Variants in UGT2B4 observed in about 807,000 individuals in gnomAD.
The protein encoded by UGT2B4 is UDP-glucuronosyltransferase 2B4.
In UGT2B4, 49 loss-of-function variants were observed where a neutral mutation model predicts 49.8. That is an observed-to-expected ratio of 0.98 (90% CI 0.78 to 1.25). The LOEUF is 1.25. UGT2B4 is among the 50% of genes most tolerant of loss of function. UGT2B4 has a pLI of 0.00. For synonymous variants in UGT2B4, 246 were observed against 217.7 expected, an observed-to-expected ratio of 1.13 and a Z score of -1.14; for missense variants, 729 against 627.7, an observed-to-expected ratio of 1.16 and a Z score of -1.73.
At chr4:69,502,087 CTCTCTCTTTCTTTCTT>C (rs1409522757) in intron 1 of UGT2B4, among the ~76,000 whole-genome samples, 1,538 of 38,254 alleles carry the variant, frequency 0.04, 45 homozygotes, top group Middle Eastern at 0.069. Context: ...TTCTTTCTTT[CTCTCTCTTTCTTTCTT>C]TCTTTCTTTC....
chr4:69,522,511 T>C (rs1728871619), intron 1 of UGT2B4, among the ~76,000 whole-genome samples: 1 of 152,208 alleles, frequency 6.6e-6, no homozygotes, highest in Non-Finnish European at 1.5e-5. Context: ...GTCTATTAAG[T>C]GTGCAAATAA....
In UGT2B4 at chr4:69,503,368, C is replaced by T. The variant is rs111376768; in HGVS notation, c.-105-7402G>A. Among the ~76,000 whole-genome samples, 10 of 152,302 alleles carry T rather than the reference C, an allele frequency of 6.6e-5. 1 individual carries two copies. The highest frequency in any genetic ancestry group is 2.4e-4 in the African/African-American group (10 of 41,574). On this transcript the variant is annotated intron_variant, in intron 1 of 1. Transcript: ENST00000510114. ...CCCCTATAGCCATGCACCCAGTCTA[C>T]ATGTTCTCTCCCAAGACTGCAGCTT...
At chr4:69,503,704 C>A (rs2109822788) in intron 1 of UGT2B4, among the ~76,000 whole-genome samples, 1 of 152,318 alleles carries the variant, frequency 6.6e-6, no homozygotes, top group East Asian at 1.9e-4. Context: ...GCAACCCACC[C>A]TAATCCAACA....
At chr4:69,525,617 T>C in intron 1 of UGT2B4, 1 of 981,630 alleles carries the variant, frequency 1.0e-6, no homozygotes, top group Non-Finnish European at 1.3e-6. Context: ...CAATAGATTA[T>C]CTACTCAGGT....
At position 69,483,559 on chromosome 4, in the gene UGT2B4, CT is replaced by C. The variant is rs1727676979; in HGVS notation, c.1310+1648del. ...TATTTTATATTTCTTTTCTATTTGT[CT>C]AACCTGTTTTATGTTTCTTTTCCAA... On this transcript the variant is annotated intron_variant, in intron 5 of 5. Transcript: ENST00000305107. 2.0e-5 allele frequency among the ~76,000 whole-genome samples: 3 copies of C among 152,026 alleles called. 1 individual carries two copies. Among genetic ancestry groups the C allele is most frequent in the Admixed American group, 2.0e-4 (3 of 15,256 alleles).
At chr4:69,493,966 A>T in intron 1 of UGT2B4, 125 bp from the exon 2 acceptor site, 1 of 1,058,348 alleles carries the variant, frequency 9.4e-7, no homozygotes. Flanking sequence ...GAAAAAAAAT[A>T]CATATATTCG....
intron 1 of UGT2B4, among the ~76,000 whole-genome samples, chr4:69,516,931 G>A (rs1267796633): frequency 6.6e-6 from 1 of 150,786 alleles, no homozygotes; most frequent in East Asian, 2.0e-4. Context: ...GTCTTCTTTA[G>A]AGAAACATCT....
chr4:69,483,044 A>G (rs1727649432), intron 5 of UGT2B4, among the ~76,000 whole-genome samples: 2 of 152,218 alleles, frequency 1.3e-5, no homozygotes, highest in Non-Finnish European at 2.9e-5. Flanking sequence ...ATATAGCAAT[A>G]GGCTTACAAA....
chr4:69,494,472 T>A (rs1728084163), intron 1 of UGT2B4, among the ~76,000 whole-genome samples: 1 of 152,182 alleles, frequency 6.6e-6, no homozygotes, highest in Non-Finnish European at 1.5e-5. Flanking sequence ...TGGCTCATAT[T>A]TTTAAAGAAA....
intron 1 of UGT2B4, among the ~76,000 whole-genome samples, chr4:69,518,834 C>A (rs1217151615): frequency 1.3e-5 from 2 of 152,112 alleles, no homozygotes; most frequent in Non-Finnish European, 2.9e-5. Flanking sequence ...ATTTCAAGAC[C>A]TATAAGAACC....
At chr4:69,521,748 G>C (rs754421040) in intron 1 of UGT2B4, among the ~76,000 whole-genome samples, 1 of 152,118 alleles carries the variant, frequency 6.6e-6, no homozygotes, top group Non-Finnish European at 1.5e-5. Context: ...GGTTCTGGCT[G>C]GTGAAGCGAT....
Position 69,495,527 on chromosome 4 carries a change from A to G in UGT2B4, c.335T>C (p.Val112Ala), listed in dbSNP as rs763398816. 3 of 1,612,934 alleles carry G rather than the reference A, an allele frequency of 1.9e-6. No individual in the cohort carries two copies. Among genetic ancestry groups the G allele is most frequent in the South Asian group, 1.1e-5 (1 of 91,002 alleles). Residue 112 changes from valine (V) to alanine (A), a missense_variant, in exon 1 of 6, where the codon GTA (valine) becomes GCA (alanine). Coordinates refer to ENST00000305107, the MANE Select transcript of UGT2B4 (RefSeq NM_021139.3). ...KDTFWSYFSQVQEIMWTFNDI... is the reference protein window; with the variant it reads ...KDTFWSYFSQAQEIMWTFNDI... ...ATTAAATGTCCACATGATTTCTTGT[A>G]CTTGTGAAAAATATGACCAAAATGT...
chr4:69,520,737 G>A (rs545366778), intron 1 of UGT2B4, among the ~76,000 whole-genome samples: 1 of 152,218 alleles, frequency 6.6e-6, no homozygotes, highest in East Asian at 1.9e-4. Context: ...GCTAAATGGG[G>A]ACTGAGGATG....
At chr4:69,498,998 T>G (rs1274800884), upstream of UGT2B4, among the ~76,000 whole-genome samples, 1 of 152,144 alleles carries the variant, frequency 6.6e-6, no homozygotes, top group Non-Finnish European at 1.5e-5. Flanking sequence ...ATGTGGGAAT[T>G]TAGTCCTTTA....
chr4:69,505,134 T>C (rs1438608686), intron 1 of UGT2B4, among the ~76,000 whole-genome samples: 1 of 152,124 alleles, frequency 6.6e-6, no homozygotes, highest in Non-Finnish European at 1.5e-5. Flanking sequence ...GAAGTACACA[T>C]GCTAGTGACA....
rs367718795 is a variant in UGT2B4 at position 69,480,439 on chromosome 4, A to G, written c.*195T>C. 1.4e-6 allele frequency: 1 copy of G among 729,872 alleles called. No homozygotes were observed. Among genetic ancestry groups the G allele is most frequent in the South Asian group, 2.3e-5 (1 of 43,764 alleles). 45.2% of individuals were successfully genotyped at this position (729,872 alleles called of 1,614,324 possible). ...GCTTTATATCATTTTTGTTTTCCCT[A>G]ATGTTTTCCTCCTTGACATGAAATA... On this transcript the variant is annotated 3_prime_UTR_variant, in exon 6 of 6. Transcript: ENST00000305107.
intron 1 of UGT2B4, among the ~76,000 whole-genome samples, chr4:69,520,789 T>C (rs1728831334): frequency 6.6e-6 from 1 of 152,084 alleles, no homozygotes; most frequent in Admixed American, 6.5e-5. Flanking sequence ...ATTAACAGCC[T>C]GAGTGCCATA....
intron 1 of UGT2B4, 130 bp from the exon 2 acceptor site, chr4:69,493,971 T>A: frequency 1.0e-6 from 1 of 987,940 alleles, no homozygotes; most frequent in Non-Finnish European, 1.4e-6. Flanking sequence ...AAAATACATA[T>A]ATTCGTATAT....
chr4:69,493,634 A>C (rs1728057955), intron 2 of UGT2B4, 59 bp downstream of exon 2: 2 of 1,521,086 alleles, frequency 1.3e-6, no homozygotes, highest in Non-Finnish European at 1.7e-6. Context: ...ACTTTGAATG[A>C]ATATAGAACC....
Sources: gnomAD v4.1 joint callset for allele counts (sites outside exome capture counted in the v4.1 genomes callset) on GRCh38, gnomAD v4.1.1 for gene constraint, MANE v1.5 for transcripts, NCBI Gene and HGNC (gene_info 2026-07-23, HGNC 2026-07-21) for gene names.